Variants in HS3ST4 observed in about 807,000 individuals in gnomAD.
HS3ST4 encodes heparan sulfate glucosamine 3-O-sulfotransferase 4.
A neutral mutation model predicts 29.2 loss-of-function variants in HS3ST4; 17 were observed. The ratio of observed to expected loss-of-function variants is 0.58; its 90% CI spans 0.40 to 0.87. The LOEUF is 0.87. HS3ST4 is among the 40% of genes least tolerant of loss of function. The pLI is 0.00. For missense variants in HS3ST4, 627 were observed against 634.5 expected (o/e 0.99, Z 0.13); for synonymous variants, 314 against 285.7 (o/e 1.10, Z -1.00).
chr16:26,066,091 A>G (rs1456042481), intron 1 of HS3ST4, among the ~76,000 whole-genome samples: 2 of 152,242 alleles, frequency 1.3e-5, no homozygotes, highest in Non-Finnish European at 2.9e-5. Flanking sequence ...TCTTGTAGAG[A>G]AGAGTGGTCT....
intron 1 of HS3ST4, among the ~76,000 whole-genome samples, chr16:25,816,372 C>G (rs940936353): frequency 6.6e-6 from 1 of 152,142 alleles, no homozygotes; most frequent in Non-Finnish European, 1.5e-5. Context: ...CAGAGGCGAT[C>G]GATACCTTTG....
At position 25,997,536 on chromosome 16, in the gene HS3ST4, T is replaced by C. The variant is rs773631106; in HGVS notation, c.735-138076T>C. Among the ~76,000 whole-genome samples the C allele has an allele frequency of 1.4e-4, 21 of 152,302 alleles. 1 individual carries two copies. The highest frequency in any genetic ancestry group is 3.4e-3 in the Middle Eastern group (1 of 294). ...CATTCAATGGCATCAACAACCTATA[T>C]CTCTTCATCTCTTAATTGTGATAAT... On this transcript the variant is annotated intron_variant, in intron 1 of 1. Coordinates refer to ENST00000331351, the MANE Select transcript of HS3ST4 (RefSeq NM_006040.3).
At chr16:25,734,197 A>G (rs916215091) in intron 1 of HS3ST4, among the ~76,000 whole-genome samples, 1 of 152,254 alleles carries the variant, frequency 6.6e-6, no homozygotes, top group Non-Finnish European at 1.5e-5. Context: ...CTATGTGTGC[A>G]ATATGGGTTC....
intron 1 of HS3ST4, among the ~76,000 whole-genome samples, chr16:26,081,659 A>G (rs985340599): frequency 7.2e-5 from 11 of 152,316 alleles, no homozygotes; most frequent in African/African-American, 2.6e-4. Context: ...GAAATTATCC[A>G]GGTGAAGAAA....
chr16:25,880,994 A>G (rs1330350344), intron 1 of HS3ST4, among the ~76,000 whole-genome samples: 1 of 152,184 alleles, frequency 6.6e-6, no homozygotes, highest in African/African-American at 2.4e-5. Flanking sequence ...TGATTTGAGT[A>G]TGGATGGCTC....
intron 1 of HS3ST4, among the ~76,000 whole-genome samples, chr16:25,914,643 G>T (rs967470861): frequency 6.6e-6 from 1 of 151,240 alleles, no homozygotes; most frequent in Non-Finnish European, 1.5e-5. Context: ...GTGTGTGTGT[G>T]TGCACGTGTG....
chr16:26,041,479 A>G (rs1969635431), intron 1 of HS3ST4, among the ~76,000 whole-genome samples: 1 of 152,210 alleles, frequency 6.6e-6, no homozygotes, highest in Non-Finnish European at 1.5e-5. Context: ...CTGGAGAAGT[A>G]ACATTAAAAA....
At chr16:25,868,724 G>C (rs1372793282) in intron 1 of HS3ST4, among the ~76,000 whole-genome samples, 1 of 152,160 alleles carries the variant, frequency 6.6e-6, no homozygotes, top group Non-Finnish European at 1.5e-5. Flanking sequence ...AACTGGTTAG[G>C]AATCAAGAGA....
At chr16:26,080,612 A>C (rs895051456) in intron 1 of HS3ST4, among the ~76,000 whole-genome samples, 1 of 152,154 alleles carries the variant, frequency 6.6e-6, no homozygotes, top group African/African-American at 2.4e-5. Flanking sequence ...TCCATTGAGA[A>C]ACTCAGGGAG....
At chr16:25,829,279 G>T (rs1967269987) in intron 1 of HS3ST4, among the ~76,000 whole-genome samples, 1 of 152,210 alleles carries the variant, frequency 6.6e-6, no homozygotes, top group South Asian at 2.1e-4. Flanking sequence ...TGGGCAGCTT[G>T]CTGCCTAGAG....
At chr16:26,060,584 T>C (rs1898463696) in intron 1 of HS3ST4, among the ~76,000 whole-genome samples, 1 of 152,190 alleles carries the variant, frequency 6.6e-6, no homozygotes. Context: ...GACACTTAGC[T>C]GTGACAGGGA....
chr16:25,854,351 C>T (rs1286653128), intron 1 of HS3ST4, among the ~76,000 whole-genome samples: 2 of 152,110 alleles, frequency 1.3e-5, no homozygotes, highest in Non-Finnish European at 2.9e-5. Context: ...TGTCATCGTG[C>T]CAGTGGGAGT....
rs548783254 is a variant in HS3ST4, at chr16:25,913,909, T to A, written c.734+220758T>A. ...AGTATATTTGTGGAGTGTATGTGTG[T>A]GCATATGTATGTAGGGAGAGGCTAT... is the stretch of plus-strand genomic sequence containing the variant. On this transcript the variant is annotated intron_variant, in intron 1 of 1. Coordinates refer to ENST00000331351, the MANE Select transcript of HS3ST4 (RefSeq NM_006040.3). 9.8e-4 allele frequency among the ~76,000 whole-genome samples: 145 copies of A among 147,908 alleles called. 1 individual carries two copies. Among genetic ancestry groups the A allele is most frequent in the Admixed American group, 2.2e-3 (32 of 14,838 alleles).
At chr16:25,733,215 C>T (rs890760069) in intron 1 of HS3ST4, among the ~76,000 whole-genome samples, 3 of 152,154 alleles carry the variant, frequency 2.0e-5, no homozygotes, top group Non-Finnish European at 4.4e-5. Context: ...AAATTGGTGA[C>T]GTGAGACACG....
intron 1 of HS3ST4, among the ~76,000 whole-genome samples, chr16:26,033,493 T>C (rs1431097144): frequency 2.2e-5 from 3 of 139,276 alleles, no homozygotes; most frequent in Non-Finnish European, 4.6e-5. Flanking sequence ...CCAGCATGGG[T>C]GACTGTGTGA....
chr16:25,790,969 A>G (rs193010104), intron 1 of HS3ST4, among the ~76,000 whole-genome samples: 2 of 152,236 alleles, frequency 1.3e-5, no homozygotes, highest in Non-Finnish European at 2.9e-5. Flanking sequence ...TTAAGACTTT[A>G]TCTCAAGGTT....
intron 1 of HS3ST4, among the ~76,000 whole-genome samples, chr16:26,098,135 G>GGGAGTGTA (rs532461146): frequency 7.5e-4 from 115 of 152,322 alleles, no homozygotes; most frequent in African/African-American, 2.7e-3. Flanking sequence ...CACTGTTGGT[G>GGGAGTGTA]GGAGTGTAAA....
intron 1 of HS3ST4, among the ~76,000 whole-genome samples, chr16:25,712,460 G>A (rs1415964404): frequency 6.6e-6 from 1 of 152,096 alleles, no homozygotes; most frequent in Non-Finnish European, 1.5e-5. Flanking sequence ...ATTGGTGGCT[G>A]CAGTGAGCTG....
intron 1 of HS3ST4, among the ~76,000 whole-genome samples, chr16:25,824,126 C>A (rs1447969482): frequency 2.0e-5 from 3 of 152,052 alleles, no homozygotes; most frequent in Admixed American, 2.0e-4. Context: ...GCTGAGAGGG[C>A]CCTGGCTGAG....
Sources: allele counts gnomAD v4.1 joint callset (sites outside exome capture counted in the v4.1 genomes callset), GRCh38; gene constraint gnomAD v4.1.1; transcripts MANE v1.5; gene names NCBI Gene and HGNC (gene_info 2026-07-23, HGNC 2026-07-21).